The following MAML1 variants were observed in gnomAD, a reference collection of about 807,000 sequenced individuals.
The protein encoded by MAML1 is mastermind-like protein 1.
A neutral mutation model predicts 77.1 loss-of-function variants in MAML1; 14 were observed. That is an observed-to-expected ratio of 0.18 (90% CI 0.12 to 0.28). The LOEUF (loss-of-function observed/expected upper bound fraction) is 0.28. MAML1 is among the 10% of genes least tolerant of loss of function. The probability of loss-of-function intolerance (pLI) is 1.00; values close to 1 mark genes in which losing one functional copy is unlikely to be tolerated. For synonymous variants in MAML1, 516 were observed against 551.9 expected (o/e 0.93, Z 0.91); for missense variants, 1,217 against 1,327.8 (o/e 0.92, Z 1.30).
intron 1 of MAML1, among the ~76,000 whole-genome samples, chr5:179,737,775 T>C (rs1440217173): frequency 1.1e-5 from 1 of 94,690 alleles, no homozygotes; most frequent in Non-Finnish European, 2.9e-5. Context: ...TTCTCTATTC[T>C]AATTTTCAAG....
At chr5:179,734,283 C>T (rs1459625162) in intron 1 of MAML1, among the ~76,000 whole-genome samples, 2 of 152,164 alleles carry the variant, frequency 1.3e-5, no homozygotes, top group Non-Finnish European at 2.9e-5. Context: ...TTATCTCTCA[C>T]CTGGGCTATT....
chr5:179,774,515 G>C lies in MAML1; in HGVS notation c.2689G>C (p.Ala897Pro). ...NRPMAPMSSA[A>P]AVGSLLPPVS... ...GCCCATGGCTCCCATGAGCTCAGCA[G>C]CTGCCGTGGGGTCCTTGCTACCCCC... Residue 897 changes from alanine (A) to proline (P), a missense_variant, in exon 5 of 5, where the codon GCT becomes CCT. By Grantham distance (27) the Ala-to-Pro change is conservative (BLOSUM62 -1). Coordinates refer to ENST00000292599, the MANE Select transcript of MAML1 (RefSeq NM_014757.5). The C allele has an allele frequency of 6.2e-7, 1 of 1,613,190 alleles. No individual in the cohort carries two copies. The highest frequency in any genetic ancestry group is 8.5e-7 in the Non-Finnish European group (1 of 1,180,034).
intron 1 of MAML1, among the ~76,000 whole-genome samples, chr5:179,757,204 T>G (rs1437571736): frequency 6.6e-6 from 1 of 152,132 alleles, no homozygotes; most frequent in African/African-American, 2.4e-5. Flanking sequence ...ATAGGAGGAC[T>G]TTGGTGAATG....
intron 1 of MAML1, among the ~76,000 whole-genome samples, chr5:179,751,294 T>C (rs1291607699): frequency 6.6e-6 from 1 of 152,072 alleles, no homozygotes; most frequent in Non-Finnish European, 1.5e-5. Flanking sequence ...ATAGTTATAC[T>C]GTCCATGAGG....
chr5:179,751,076 C>T (rs1220977749), intron 1 of MAML1, among the ~76,000 whole-genome samples: 4 of 152,152 alleles, frequency 2.6e-5, no homozygotes, highest in South Asian at 4.1e-4. Context: ...TGGGTTCAAG[C>T]GATTCTCCTG....
At chr5:179,739,624 C>T (rs920594696) in intron 1 of MAML1, among the ~76,000 whole-genome samples, 3 of 152,184 alleles carry the variant, frequency 2.0e-5, no homozygotes, top group African/African-American at 7.2e-5. Flanking sequence ...GTAAAGGCTG[C>T]AGCGAGCTAT....
chr5:179,776,107 G>T lies in MAML1; in HGVS notation c.*1230G>T. On this transcript the variant is annotated 3_prime_UTR_variant, in exon 5 of 5. Coordinates refer to ENST00000292599, the MANE Select transcript of MAML1 (RefSeq NM_014757.5). The stretch of plus-strand genomic sequence containing the variant: ...CGAAATAGAATATGACATGTGAGCT[G>T]TTTTTGGAAAACGAAGATGGAGAGA... The T allele has an allele frequency of 1.0e-6, 1 of 985,894 alleles. No homozygotes were observed. The allele number at this position is 985,894 out of a possible 1,614,324, so 61.1% of individuals were successfully genotyped here. A position where few individuals can be genotyped will look rare whatever the true frequency, so the allele number is the denominator to read the frequency against.
chr5:179,759,154 G>T (rs555027024), intron 1 of MAML1, among the ~76,000 whole-genome samples: 1 of 152,162 alleles, frequency 6.6e-6, no homozygotes, highest in Non-Finnish European at 1.5e-5. Flanking sequence ...CTGTCCTGCT[G>T]CTGGTGTTTG....
intron 1 of MAML1, among the ~76,000 whole-genome samples, chr5:179,751,159 G>A (rs1266599820): frequency 6.6e-6 from 1 of 151,984 alleles, no homozygotes; most frequent in Non-Finnish European, 1.5e-5. Context: ...TTTTAGTAGA[G>A]ACAGGGTTTC....
intron 1 of MAML1, among the ~76,000 whole-genome samples, chr5:179,753,656 T>TATTATTA (rs67206463): frequency 1.0e-5 from 1 of 95,922 alleles, no homozygotes; most frequent in African/African-American, 3.7e-5. Flanking sequence ...TTATTATTAT[T>TATTATTA]TTTTTTTTTT....
intron 1 of MAML1, among the ~76,000 whole-genome samples, chr5:179,753,968 G>C (rs913098572): frequency 9.2e-5 from 14 of 151,976 alleles, no homozygotes; most frequent in Admixed American, 9.2e-4. Flanking sequence ...CACCTTGCCT[G>C]GCCTTGTTTG....
intron 1 of MAML1, among the ~76,000 whole-genome samples, chr5:179,734,739 T>A (rs1779132808): frequency 6.6e-6 from 1 of 152,234 alleles, no homozygotes; most frequent in East Asian, 1.9e-4. Context: ...TCAAGACTCC[T>A]CAATCCTCCC....
rs148418525 is a variant in MAML1, at chr5:179,748,136, G to A, written c.315+14709G>A. 4.0e-3 allele frequency among the ~76,000 whole-genome samples: 611 copies of A among 152,162 alleles called. 7 individuals carry two copies. Among genetic ancestry groups the A allele is most frequent in the African/African-American group, 0.014 (589 of 41,514 alleles). On this transcript the variant is annotated intron_variant, in intron 1 of 4. Coordinates refer to ENST00000292599, the MANE Select transcript of MAML1 (RefSeq NM_014757.5). ...CTCACTCTGTCGCCCAGGCTGGAGT[G>A]CAGTGGTGATATCTTGGCTCACTGC... is the stretch of plus-strand genomic sequence containing the variant.
chr5:179,744,465 C>T (rs574079196), intron 1 of MAML1, among the ~76,000 whole-genome samples: 23 of 152,178 alleles, frequency 1.5e-4, no homozygotes, highest in African/African-American at 4.1e-4. Flanking sequence ...GGATTACAAG[C>T]GTGAGCCACC....
chr5:179,771,280 G>A lies in MAML1; in HGVS notation c.2068+37G>A. On this transcript the variant is annotated intron_variant, in intron 4 of 4. Transcript: ENST00000292599. The surrounding 1 kb of genome is among the most constrained non-coding windows in gnomAD (Gnocchi z 4.7). ...CTGTGTGACGAGCAGGGACAGGGGA[G>A]GCCGCTGCCTGGTGCTGGTTGAATC... 1 of 1,560,774 alleles carries A rather than the reference G, an allele frequency of 6.4e-7. No individual in the cohort carries two copies. Among genetic ancestry groups the A allele is most frequent in the Non-Finnish European group, 8.8e-7 (1 of 1,131,558 alleles).
At chr5:179,735,879 G>A (rs2113328660) in intron 1 of MAML1, among the ~76,000 whole-genome samples, 1 of 150,094 alleles carries the variant, frequency 6.7e-6, no homozygotes, top group South Asian at 2.1e-4. Context: ...GTAGAGACAG[G>A]GTTTCTCCTT....
At position 179,765,709 on chromosome 5, in the gene MAML1, C is replaced by T; in HGVS notation, c.699C>T (p.Gly233=). 1.2e-6 allele frequency: 2 copies of T among 1,613,976 alleles called. No individual in the cohort carries two copies. Among genetic ancestry groups the T allele is most frequent in the Non-Finnish European group, 1.7e-6 (2 of 1,179,898 alleles). ...CTTGCATGATCACTGGGACTGTCGG[C>T]TCCATATCGCAAAGCAACCTCATGC... The part of the protein sequence containing the change: ...DLPCMITGTV[G]SISQSNLMPD... Residue 233 remains glycine, a synonymous_variant, in exon 2 of 5, where the codon GGC becomes GGT. Transcript: ENST00000292599.
At chr5:179,764,114 C>A (rs1779769122) in intron 1 of MAML1, among the ~76,000 whole-genome samples, 1 of 152,072 alleles carries the variant, frequency 6.6e-6, no homozygotes, top group African/African-American at 2.4e-5. Context: ...AAATCGCCGC[C>A]CCTGAACTCC....
chr5:179,753,595 G>A (rs917691050), intron 1 of MAML1, among the ~76,000 whole-genome samples: 1 of 151,500 alleles, frequency 6.6e-6, no homozygotes, highest in African/African-American at 2.4e-5. Flanking sequence ...AGACAGTAGT[G>A]GATGAGATGA....
Sources: allele counts gnomAD v4.1 joint callset (sites outside exome capture counted in the v4.1 genomes callset), GRCh38; gene constraint gnomAD v4.1.1; non-coding constraint Gnocchi (gnomAD v3.1); transcripts MANE v1.5; gene names NCBI Gene and HGNC (gene_info 2026-07-23, HGNC 2026-07-21).